Variants in CHMP1A observed in about 807,000 individuals in gnomAD.
CHMP1A encodes the protein charged multivesicular body protein 1A.
A neutral mutation model predicts 27.0 loss-of-function variants in CHMP1A; 17 were observed. The observed-to-expected ratio is 0.63, with a 90% CI of 0.43 to 0.95. The LOEUF (loss-of-function observed/expected upper bound fraction) is 0.95, where lower values mean the gene tolerates loss of function less well. CHMP1A is among the 40% of genes least tolerant of loss of function. The probability of loss-of-function intolerance (pLI) is 0.00; values close to 1 mark genes in which losing one functional copy is unlikely to be tolerated. For synonymous variants in CHMP1A, 131 were observed against 107.5 expected, an observed-to-expected ratio of 1.22 and a Z score of -1.35; for missense variants, 275 against 264.0, an observed-to-expected ratio of 1.04 and a Z score of -0.29.
chr16:89,653,537 C>T (rs376144428), intron 2 of CHMP1A, among the ~76,000 whole-genome samples: 4 of 146,214 alleles, frequency 2.7e-5, no homozygotes, highest in South Asian at 2.1e-4. Flanking sequence ...GCAGGAGAAT[C>T]GCTTGAACCC....
At position 89,648,363 on chromosome 16, in the gene CHMP1A, G is replaced by C. The variant is rs467051; in HGVS notation, c.252+988C>G. On this transcript the variant is annotated intron_variant, in intron 4 of 6. Coordinates refer to ENST00000397901, the MANE Select transcript of CHMP1A (RefSeq NM_002768.5). ...GTGGAGAAAAGGCCGCCGACGTGGAGACCCAGCGCGGGGTCGGTGGAGAAA... is the reference window on the plus strand; with the variant it reads ...GTGGAGAAAAGGCCGCCGACGTGGACACCCAGCGCGGGGTCGGTGGAGAAA... Among the ~76,000 whole-genome samples the C allele has an allele frequency of 3.3e-3, 221 of 66,538 alleles. 20 individuals carry two copies. The highest frequency in any genetic ancestry group is 0.011 in the African/African-American group (176 of 16,598). 43.7% of individuals were successfully genotyped at this position (66,538 alleles called of 152,430 possible). A position where few individuals can be genotyped will look rare whatever the true frequency, so the allele number is the denominator to read the frequency against.
At chr16:89,655,493 G>C (rs1397505934) in intron 1 of CHMP1A, among the ~76,000 whole-genome samples, 2 of 151,700 alleles carry the variant, frequency 1.3e-5, no homozygotes, top group Non-Finnish European at 2.9e-5. Flanking sequence ...CCTCACCTCA[G>C]CTTTCTCTTC....
At chr16:89,648,708 T>C (rs924642931) in intron 4 of CHMP1A, among the ~76,000 whole-genome samples, 2 of 127,982 alleles carry the variant, frequency 1.6e-5, no homozygotes, top group African/African-American at 6.2e-5. Context: ...GCGGCCAACA[T>C]AGACACCCTG....
chr16:89,655,889 G>A (rs1320027628), intron 1 of CHMP1A, among the ~76,000 whole-genome samples: 1 of 152,192 alleles, frequency 6.6e-6, no homozygotes, highest in South Asian at 2.1e-4. Flanking sequence ...GCCTCCCAAA[G>A]TGTTGGGGTT....
chr16:89,645,867 C>A lies in CHMP1A; in HGVS notation c.*199G>T. 6.5e-7 allele frequency: 1 copy of A among 1,544,780 alleles called. No homozygotes were observed. The highest frequency in any genetic ancestry group is 8.7e-7 in the Non-Finnish European group (1 of 1,145,072). Reference sequence around the variant, plus strand: ...CCCCCAGAAATTTGCAGAAACTCAACACCAGGACACAGACCCACCGCCCAA... The same window carrying A: ...CCCCCAGAAATTTGCAGAAACTCAAAACCAGGACACAGACCCACCGCCCAA... On this transcript the variant is annotated 3_prime_UTR_variant, in exon 7 of 7. Coordinates refer to ENST00000397901, the MANE Select transcript of CHMP1A (RefSeq NM_002768.5).
chr16:89,647,451 AC>A, intron 4 of CHMP1A, 120 bp from the exon 5 acceptor site: 1 of 876,068 alleles, frequency 1.1e-6, no homozygotes, highest in East Asian at 2.7e-5. Context: ...GACCCACAAA[AC>A]CCCAACTCTG....
At chr16:89,655,877 C>T (rs1251088774) in intron 1 of CHMP1A, among the ~76,000 whole-genome samples, 3 of 152,218 alleles carry the variant, frequency 2.0e-5, no homozygotes, top group Non-Finnish European at 2.9e-5. Context: ...CAACCAACCT[C>T]GGCCTCCCAA....
At position 89,649,462 on chromosome 16, in the gene CHMP1A, C is replaced by T. The variant is rs2059807137; in HGVS notation, c.141G>A (p.Val47=). 2 of 1,613,754 alleles carry T rather than the reference C, an allele frequency of 1.2e-6. No homozygotes were observed. Among genetic ancestry groups the T allele is most frequent in the Non-Finnish European group, 8.5e-7 (1 of 1,179,892 alleles). Reference sequence around the variant, plus strand: ...TCTTGCGGATGGCGTTCTCGGCATACACACGGGCACACTCTACATTTTTCT... The same window carrying T: ...TCTTGCGGATGGCGTTCTCGGCATATACACGGGCACACTCTACATTTTTCT... The part of the protein sequence containing the change: ...LLQKNVECAR[V]YAENAIRKKN... The change falls in exon 4 of 7, where the codon GTG becomes GTA. Residue 47 remains valine (V), a synonymous_variant. Transcript: ENST00000397901.
In CHMP1A at chr16:89,657,699, C is replaced by A. The variant is rs1020777838; in HGVS notation, c.-111G>T. ...CCAAGCTGCACCCGGCGGGGACTTC[C>A]GGGGTCGCCGCCCCACTTCCGGTCG... On this transcript the variant is annotated 5_prime_UTR_variant, in exon 1 of 7. Transcript: ENST00000397901. 16 of 1,558,762 alleles carry A rather than the reference C, an allele frequency of 1.0e-5. No homozygotes were observed. The highest frequency in any genetic ancestry group is 1.4e-5 in the Non-Finnish European group (16 of 1,154,704).
At chr16:89,649,697 T>A (rs2059809103) in intron 3 of CHMP1A, 200 bp from the exon 4 acceptor site, 1 of 586,264 alleles carries the variant, frequency 1.7e-6, no homozygotes, top group African/African-American at 1.9e-5. Flanking sequence ...TGCCTCAGCC[T>A]CCCGAGTAGT....
rs748681880 is a variant in CHMP1A, at chr16:89,657,567, G to A, written c.7+15C>T. On this transcript the variant is annotated intron_variant, in intron 1 of 6. Transcript: ENST00000397901. Reference sequence around the variant, plus strand: ...CCCGCGCGCGAGTCCCCGGAGGACGGCCGCGACCTCTTACCGTCCATGGCC... The same window carrying A: ...CCCGCGCGCGAGTCCCCGGAGGACGACCGCGACCTCTTACCGTCCATGGCC... 27 of 1,610,654 alleles carry A rather than the reference G, an allele frequency of 1.7e-5. No homozygotes were observed.
chr16:89,647,154 A>T, intron 5 of CHMP1A, 49 bp downstream of exon 5: 2 of 1,595,612 alleles, frequency 1.3e-6, no homozygotes, highest in Non-Finnish European at 1.7e-6. Flanking sequence ...AGCTGCCCAC[A>T]CACGCTCCTT....
chr16:89,647,638 G>A (rs1454018963), intron 4 of CHMP1A, among the ~76,000 whole-genome samples: 3 of 77,778 alleles, frequency 3.9e-5, no homozygotes, highest in Admixed American at 1.4e-4. Flanking sequence ...AGAAAAGGCC[G>A]CCGACGTGGG....
In CHMP1A at chr16:89,647,018, C is replaced by T. The variant is rs772460487; in HGVS notation, c.381+185G>A. The T allele has an allele frequency of 2.2e-5, 34 of 1,513,462 alleles. 1 individual carries two copies. The highest frequency in any genetic ancestry group is 2.1e-4 in the South Asian group (17 of 82,542). 93.8% of individuals were successfully genotyped at this position (1,513,462 alleles called of 1,614,324 possible). ...CCAGGTGCCTGCAGGAGGCCCCCGC[C>T]GCCCTGCCCACCCTACCTGTCAGGG... On this transcript the variant is annotated intron_variant, in intron 5 of 6. Coordinates refer to ENST00000397901, the MANE Select transcript of CHMP1A (RefSeq NM_002768.5).
intron 6 of CHMP1A, 126 bp from the exon 7 acceptor site, chr16:89,646,213 A>C (rs2059772054): frequency 1.1e-6 from 1 of 873,604 alleles, no homozygotes; most frequent in African/African-American, 1.7e-5. Flanking sequence ...CAGGCCTTGG[A>C]AACAGACATG....
chr16:89,649,559 G>C, intron 3 of CHMP1A, 62 bp from the exon 4 acceptor site: 1 of 1,592,290 alleles, frequency 6.3e-7, no homozygotes, highest in Non-Finnish European at 8.6e-7. Flanking sequence ...CCTGCTAGGA[G>C]CCCAGTTTTT....
intron 2 of CHMP1A, 69 bp downstream of exon 2, chr16:89,653,835 A>G (rs755933756): frequency 1.1e-5 from 17 of 1,491,872 alleles, no homozygotes; most frequent in Non-Finnish European, 1.4e-5. Flanking sequence ...TGTGGCTCTG[A>G]GTGAGCGTGG....
At chr16:89,652,336 G>A (rs2059831269) in intron 2 of CHMP1A, among the ~76,000 whole-genome samples, 1 of 146,616 alleles carries the variant, frequency 6.8e-6, no homozygotes, top group Admixed American at 6.7e-5. Flanking sequence ...GTATCAGGTA[G>A]CCCTGGCCAC....
In CHMP1A at chr16:89,647,215, G is replaced by A. The variant is rs757186934; in HGVS notation, c.369C>T (p.Asp123=). ...AGGGGCCACATACCGATGTATGGAC[G>A]TCCAGGTTCTGCACCTGCTGCTCGA... The part of the protein sequence containing the change: ...DRFEQQVQNL[D]VHTSVMEDSM... The change falls in exon 5 of 7, where the codon GAC becomes GAT. Residue 123 remains aspartate (D), a synonymous_variant. Transcript: ENST00000397901. 10 of 1,609,190 alleles carry A rather than the reference G, an allele frequency of 6.2e-6. No homozygotes were observed. The highest frequency in any genetic ancestry group is 4.0e-5 in the African/African-American group (3 of 75,006).
Sources: allele counts gnomAD v4.1 joint callset (sites outside exome capture counted in the v4.1 genomes callset), GRCh38; gene constraint gnomAD v4.1.1; transcripts MANE v1.5; gene names NCBI Gene and HGNC (gene_info 2026-07-23, HGNC 2026-07-21).